CSMD3: variants seen among roughly 807,000 people sequenced by gnomAD.
The protein encoded by CSMD3 is CUB and sushi domain-containing protein 3.
In CSMD3, 177 loss-of-function variants were observed where a neutral mutation model predicts 435.2. The observed-to-expected ratio is 0.41, with a 90% CI of 0.36 to 0.46. The LOEUF is 0.46. CSMD3 is among the 20% of genes least tolerant of loss of function. The pLI is 0.34. For missense variants in CSMD3, 4,265 were observed against 4,504.6 expected, an observed-to-expected ratio of 0.95 and a Z score of 1.52; for synonymous variants, 1,656 against 1,520.5, an observed-to-expected ratio of 1.09 and a Z score of -2.07.
At chr8:112,933,146 T>C (rs2083169075) in intron 9 of CSMD3, among the ~76,000 whole-genome samples, 1 of 152,046 alleles carries the variant, frequency 6.6e-6, no homozygotes, top group Admixed American at 6.6e-5. Context: ...AGCTATAAAA[T>C]TCAAGAAGTC....
chr8:113,289,583 AG>A (rs1384179536), intron 2 of CSMD3, among the ~76,000 whole-genome samples: 1 of 151,264 alleles, frequency 6.6e-6, no homozygotes, highest in African/African-American at 2.4e-5. Flanking sequence ...AGAGAGAGAG[AG>A]AGAGAAATAC....
chr8:112,514,350 T>C (rs184872322), intron 28 of CSMD3, among the ~76,000 whole-genome samples: 294 of 152,310 alleles, frequency 1.9e-3, no homozygotes, highest in African/African-American at 6.9e-3. Context: ...TAAATAGCAT[T>C]TAGAAATGCA....
chr8:112,875,174 T>C (rs1175468605), intron 10 of CSMD3, among the ~76,000 whole-genome samples: 1 of 152,166 alleles, frequency 6.6e-6, no homozygotes, highest in Non-Finnish European at 1.5e-5. Flanking sequence ...CCTTCACTTA[T>C]GATGCTTAGT....
chr8:112,362,097 A>C (rs1258353374), intron 38 of CSMD3, among the ~76,000 whole-genome samples: 3 of 151,992 alleles, frequency 2.0e-5, no homozygotes, highest in Non-Finnish European at 4.4e-5. Flanking sequence ...CGGTGAACCC[A>C]ATATGAGTTG....
chr8:112,930,928 T>C (rs980037921), intron 9 of CSMD3, among the ~76,000 whole-genome samples: 2 of 152,114 alleles, frequency 1.3e-5, no homozygotes, highest in Non-Finnish European at 2.9e-5. Context: ...ATTGCATATG[T>C]CAGTAATGTA....
chr8:112,692,590 G>C (rs1466246471), intron 13 of CSMD3, among the ~76,000 whole-genome samples: 1 of 152,150 alleles, frequency 6.6e-6, no homozygotes, highest in Non-Finnish European at 1.5e-5. Flanking sequence ...AGTTCCAAAT[G>C]TGGATTTGAC....
intron 17 of CSMD3, among the ~76,000 whole-genome samples, chr8:112,665,106 C>A (rs905229616): frequency 2.6e-5 from 4 of 152,054 alleles, no homozygotes; most frequent in Non-Finnish European, 4.4e-5. Flanking sequence ...ATTACAGAAA[C>A]CAAGCTTCAG....
At chr8:113,041,081 C>T (rs1156677610) in intron 5 of CSMD3, among the ~76,000 whole-genome samples, 1 of 151,806 alleles carries the variant, frequency 6.6e-6, no homozygotes, top group Non-Finnish European at 1.5e-5. Flanking sequence ...TGGTGTGCAC[C>T]TGTAATCCCA....
chr8:112,537,738 A>G (rs1378930117), intron 27 of CSMD3, among the ~76,000 whole-genome samples: 1 of 151,862 alleles, frequency 6.6e-6, no homozygotes, highest in Non-Finnish European at 1.5e-5. Context: ...TAAAAAAAAA[A>G]AGTCCCCCAT....
chr8:112,713,478 A>C (rs1344477908), intron 13 of CSMD3, among the ~76,000 whole-genome samples: 1 of 152,038 alleles, frequency 6.6e-6, no homozygotes, highest in Non-Finnish European at 1.5e-5. Context: ...GATGGGGAGA[A>C]TGGAACCAAG....
chr8:112,889,152 C>A (rs1266755086), intron 10 of CSMD3, among the ~76,000 whole-genome samples: 1 of 151,592 alleles, frequency 6.6e-6, no homozygotes, highest in East Asian at 2.0e-4. Flanking sequence ...CCCTTGCTGC[C>A]CCTACGTTTT....
Position 112,257,615 on chromosome 8 carries a change from C to T in CSMD3, c.9863-2188G>A, listed in dbSNP as rs574879979. 2.0e-5 allele frequency among the ~76,000 whole-genome samples: 3 copies of T among 152,238 alleles called. No individual in the cohort carries two copies. In the East Asian group the frequency reaches 5.8e-4, roughly 29 times the overall value. ...CTTCAAGAAGAACTACAAACCACTG[C>T]TCAAGGAAATCAGAGAGGACACAAA... is the stretch of plus-strand genomic sequence containing the variant. On this transcript the variant is annotated intron_variant, in intron 61 of 70. Coordinates refer to ENST00000297405, the MANE Select transcript of CSMD3 (RefSeq NM_198123.2).
chr8:112,245,271 C>T (rs1463221424), intron 64 of CSMD3, among the ~76,000 whole-genome samples: 1 of 151,940 alleles, frequency 6.6e-6, no homozygotes. Flanking sequence ...CTTATTTCAT[C>T]GGTTTTATGT....
At chr8:112,840,552 T>C (rs74322442) in intron 11 of CSMD3, among the ~76,000 whole-genome samples, 78 of 151,824 alleles carry the variant, frequency 5.1e-4, no homozygotes, top group Non-Finnish European at 8.9e-4. Context: ...TGAATGTTAT[T>C]ATACAAAGGA....
intron 12 of CSMD3, among the ~76,000 whole-genome samples, chr8:112,825,889 G>GA (rs1204882248): frequency 6.6e-6 from 1 of 152,180 alleles, no homozygotes; most frequent in Non-Finnish European, 1.5e-5. Context: ...TTGCTGAAAG[G>GA]AAAATCACTC....
Position 112,564,892 on chromosome 8 carries a change from A to G in CSMD3, c.4043-7938T>C, listed in dbSNP as rs1283572071. ...TAAAGACACAGCTTTTCTAAGCCAC[A>G]CTTTTATTTTCTAAACATTTTAAAG... On this transcript the variant is annotated intron_variant, in intron 24 of 70. Coordinates refer to ENST00000297405, the MANE Select transcript of CSMD3 (RefSeq NM_198123.2). Among the ~76,000 whole-genome samples, 6 of 152,214 alleles carry G rather than the reference A, an allele frequency of 3.9e-5. No homozygotes were observed. The East Asian group carries it at 1.2e-3, about 30-fold the overall frequency.
At chr8:113,339,800 T>C (rs1297942095) in intron 1 of CSMD3, among the ~76,000 whole-genome samples, 4 of 151,978 alleles carry the variant, frequency 2.6e-5, no homozygotes, top group Non-Finnish European at 4.4e-5. Flanking sequence ...ATTAGGTGAA[T>C]AGAATTAAAA....
At chr8:112,358,437 G>A (rs1479075723) in intron 38 of CSMD3, among the ~76,000 whole-genome samples, 3 of 152,074 alleles carry the variant, frequency 2.0e-5, no homozygotes, top group East Asian at 1.9e-4. Context: ...GGGAGAGGCC[G>A]GGGGTGGAAT....
intron 2 of CSMD3, among the ~76,000 whole-genome samples, chr8:113,295,478 T>C (rs762453256): frequency 3.3e-5 from 5 of 152,158 alleles, no homozygotes; most frequent in East Asian, 3.8e-4. Context: ...TAAAAAATAA[T>C]ACTGTTTTAA....
Sources: gnomAD v4.1 joint callset for allele counts (sites outside exome capture counted in the v4.1 genomes callset) on GRCh38, gnomAD v4.1.1 for gene constraint, MANE v1.5 for transcripts, NCBI Gene and HGNC (gene_info 2026-07-23, HGNC 2026-07-21) for gene names.